Variants in GRIK2 observed in about 807,000 individuals in gnomAD.
GRIK2 encodes the protein glutamate receptor ionotropic, kainate 2.
GRIK2 carries 32 observed loss-of-function variants against 100.3 expected under a neutral mutation model. The observed-to-expected ratio is 0.32, with a 90% CI of 0.24 to 0.43. The LOEUF (loss-of-function observed/expected upper bound fraction) is 0.43. Among genes scored for constraint, GRIK2 ranks in the 20% least tolerant of loss-of-function variants. The pLI, the probability that GRIK2 is intolerant of heterozygous loss-of-function variation, is 1.00. For synonymous variants in GRIK2, 417 were observed against 389.4 expected (o/e 1.07, Z -0.83); for missense variants, 843 against 1,114.9 (o/e 0.76, Z 3.47).
intron 14 of GRIK2, among the ~76,000 whole-genome samples, chr6:102,006,291 A>G (rs1339791730): frequency 2.0e-5 from 3 of 147,634 alleles, no homozygotes; most frequent in East Asian, 3.9e-4. Context: ...GAAGGAGGCT[A>G]TCTTTTATTT....
chr6:102,043,645 T>A (rs1770719424), intron 15 of GRIK2, among the ~76,000 whole-genome samples: 1 of 151,988 alleles, frequency 6.6e-6, no homozygotes. Flanking sequence ...TGCATTTTCT[T>A]TATTCTCTGA....
chr6:102,028,679 CTAAT>C (rs35746837), intron 14 of GRIK2, among the ~76,000 whole-genome samples: 41,049 of 150,714 alleles, frequency 0.27, 5,904 homozygotes, highest in East Asian at 0.34. Flanking sequence ...CTTTATCTGG[CTAAT>C]TACTCTGTAT....
At chr6:101,588,145 C>G (rs1204108668) in intron 2 of GRIK2, among the ~76,000 whole-genome samples, 1 of 151,830 alleles carries the variant, frequency 6.6e-6, no homozygotes, top group Non-Finnish European at 1.5e-5. Context: ...ATGAATATAA[C>G]CTAAAATGTA....
intron 2 of GRIK2, among the ~76,000 whole-genome samples, chr6:101,601,973 G>C (rs187979690): frequency 8.6e-5 from 13 of 151,520 alleles, no homozygotes; most frequent in African/African-American, 2.7e-4. Context: ...TGCTAGCTTA[G>C]GCTAGTTCTT....
At chr6:101,467,113 G>C (rs1167195754) in intron 2 of GRIK2, among the ~76,000 whole-genome samples, 1 of 152,064 alleles carries the variant, frequency 6.6e-6, no homozygotes. Flanking sequence ...AGCAACAGAA[G>C]TATGTTTTTA....
In GRIK2 at chr6:101,791,713, G is replaced by T. The variant is rs550556322; in HGVS notation, c.952-7935G>T. 5.8e-4 allele frequency among the ~76,000 whole-genome samples: 88 copies of T among 152,130 alleles called. No individual in the cohort carries two copies. The South Asian group carries it at 8.9e-3, about 15-fold the overall frequency. On this transcript the variant is annotated intron_variant, in intron 7 of 16. Transcript: ENST00000369134. ...TTTGGGGTGGAGAGTTCTGTAGATG[G>T]CTATTAGGTCCGCTTGGTGCAGAGC... is the stretch of plus-strand genomic sequence containing the variant.
intron 2 of GRIK2, among the ~76,000 whole-genome samples, chr6:101,595,718 GTATA>G (rs370175425): frequency 0.17 from 20,854 of 122,094 alleles, 1,812 homozygotes; most frequent in East Asian, 0.26. Flanking sequence ...GTGTGTGTGT[GTATA>G]TATATATATA....
At chr6:101,951,458 C>T (rs1791599947) in intron 14 of GRIK2, among the ~76,000 whole-genome samples, 1 of 152,104 alleles carries the variant, frequency 6.6e-6, no homozygotes, top group Non-Finnish European at 1.5e-5. Context: ...ATTGAGGATT[C>T]AGTATATGCG....
chr6:101,538,031 T>C (rs965613901), intron 2 of GRIK2, among the ~76,000 whole-genome samples: 3 of 151,936 alleles, frequency 2.0e-5, no homozygotes, highest in African/African-American at 7.2e-5. Context: ...AACAAGAATG[T>C]ATGCACAACA....
chr6:101,811,613 A>G (rs750027473), intron 9 of GRIK2, among the ~76,000 whole-genome samples: 2 of 152,014 alleles, frequency 1.3e-5, no homozygotes, highest in African/African-American at 4.8e-5. Context: ...TTGTATACAT[A>G]TCAAGCAAAT....
chr6:101,655,975 G>A (rs757326241), intron 4 of GRIK2, among the ~76,000 whole-genome samples: 15 of 151,992 alleles, frequency 9.9e-5, no homozygotes, highest in Non-Finnish European at 1.6e-4. Context: ...GTTGATTTAC[G>A]GGAAAGTGGT....
intron 7 of GRIK2, among the ~76,000 whole-genome samples, chr6:101,780,097 T>C (rs1171443110): frequency 6.6e-6 from 1 of 152,178 alleles, no homozygotes; most frequent in East Asian, 1.9e-4. Flanking sequence ...TGTTGAACCC[T>C]GAAGCATTCT....
At chr6:101,419,609 G>A (rs781091091) in intron 2 of GRIK2, among the ~76,000 whole-genome samples, 10 of 152,126 alleles carry the variant, frequency 6.6e-5, no homozygotes, top group Admixed American at 1.3e-4. Flanking sequence ...ATTTACACAC[G>A]CAGTATTCAT....
chr6:101,855,344 TAAAC>T (rs1052601517), intron 10 of GRIK2, among the ~76,000 whole-genome samples: 1 of 152,034 alleles, frequency 6.6e-6, no homozygotes, highest in Non-Finnish European at 1.5e-5. Context: ...AAAAGATAAA[TAAAC>T]AAAACTTCAG....
At chr6:102,023,254 T>C (rs1769524484) in intron 14 of GRIK2, among the ~76,000 whole-genome samples, 1 of 151,324 alleles carries the variant, frequency 6.6e-6, no homozygotes, top group Non-Finnish European at 1.5e-5. Context: ...GTATGGCAAC[T>C]ACTGTGGAAA....
chr6:102,061,810 AAAT>A, intron 16 of GRIK2, among the ~76,000 whole-genome samples: 2 of 150,488 alleles, frequency 1.3e-5, no homozygotes, highest in South Asian at 4.2e-4. Context: ...GCTCTTTTAA[AAAT>A]AATATCATTA....
chr6:101,502,781 G>T (rs931792959), intron 2 of GRIK2, among the ~76,000 whole-genome samples: 2 of 152,144 alleles, frequency 1.3e-5, no homozygotes, highest in African/African-American at 4.8e-5. Flanking sequence ...TTTTTCAATG[G>T]CAAAAAACTT....
chr6:101,397,306 A>T (rs1448177452), intron 1 of GRIK2, among the ~76,000 whole-genome samples: 1 of 152,220 alleles, frequency 6.6e-6, no homozygotes. Context: ...ATGAACAAAC[A>T]GAATGGAATA....
At chr6:101,936,440 T>C (rs866558004) in intron 14 of GRIK2, among the ~76,000 whole-genome samples, 31 of 152,236 alleles carry the variant, frequency 2.0e-4, no homozygotes, top group African/African-American at 7.2e-4. Flanking sequence ...TAGTGTCTAA[T>C]ACAGTTTTAA....
Sources: allele counts gnomAD v4.1 joint callset (sites outside exome capture counted in the v4.1 genomes callset), GRCh38; gene constraint gnomAD v4.1.1; transcripts MANE v1.5; gene names NCBI Gene and HGNC (gene_info 2026-07-23, HGNC 2026-07-21).